The following MAPK10 variants were observed in gnomAD, a reference collection of about 807,000 sequenced individuals.
MAPK10 encodes JNK3 alpha protein kinase.
In MAPK10, 25 loss-of-function variants were observed where a neutral mutation model predicts 59.3. The observed-to-expected ratio is 0.42, with a 90% CI of 0.31 to 0.59. MAPK10 has a LOEUF of 0.59. Ranked by LOEUF, MAPK10 falls within the 20% of genes least tolerant of loss-of-function variation. The probability of loss-of-function intolerance (pLI) is 0.15; values close to 1 mark genes in which losing one functional copy is unlikely to be tolerated. For synonymous variants in MAPK10, 190 were observed against 200.5 expected, an observed-to-expected ratio of 0.95 and a Z score of 0.44; for missense variants, 351 against 568.9, an observed-to-expected ratio of 0.62 and a Z score of 3.90.
intron 1 of MAPK10, among the ~76,000 whole-genome samples, chr4:86,559,451 A>G (rs1042397378): frequency 7.2e-5 from 11 of 152,166 alleles, no homozygotes; most frequent in African/African-American, 2.7e-4. Flanking sequence ...ATTGTACTCA[A>G]TAATAATACC....
chr4:86,033,675 T>C (rs2039579304), intron 11 of MAPK10, among the ~76,000 whole-genome samples: 1 of 152,232 alleles, frequency 6.6e-6, no homozygotes, highest in Non-Finnish European at 1.5e-5. Context: ...ATTTTTCCTT[T>C]CAACAAACCA....
At chr4:86,481,440 A>C (rs906980915) in intron 1 of MAPK10, among the ~76,000 whole-genome samples, 1 of 152,130 alleles carries the variant, frequency 6.6e-6, no homozygotes, top group African/African-American at 2.4e-5. Flanking sequence ...AAAAAAAAAA[A>C]AAAAACCATT....
intron 1 of MAPK10, among the ~76,000 whole-genome samples, chr4:86,445,372 G>A (rs766711477): frequency 9.9e-5 from 15 of 152,096 alleles, no homozygotes; most frequent in Non-Finnish European, 2.1e-4. Flanking sequence ...TAAATAATGA[G>A]AACACATGGA....
Position 86,275,520 on chromosome 4 carries a change from A to G in MAPK10, c.-7+79010T>C, listed in dbSNP as rs201364251. On this transcript the variant is annotated intron_variant, in intron 2 of 13. Coordinates refer to ENST00000641462, the MANE Select transcript of MAPK10 (RefSeq NM_138982.4). ...GACAGCAAATATCAGAGAAAATTTC[A>G]CCAGCCTATGAAAAATGAGTGTAGT... is the stretch of plus-strand genomic sequence containing the variant. 2.0e-5 allele frequency among the ~76,000 whole-genome samples: 3 copies of G among 152,030 alleles called. No homozygotes were observed. In the South Asian group the frequency reaches 6.2e-4, roughly 31 times the overall value.
intron 2 of MAPK10, among the ~76,000 whole-genome samples, chr4:86,229,805 CG>C (rs1327751905): frequency 6.6e-6 from 1 of 151,904 alleles, no homozygotes; most frequent in Non-Finnish European, 1.5e-5. Context: ...CCTATAACCA[CG>C]GCACTTTGTG....
intron 5 of MAPK10, among the ~76,000 whole-genome samples, chr4:86,105,686 A>T (rs2056415536): frequency 6.6e-6 from 1 of 152,102 alleles, no homozygotes; most frequent in African/African-American, 2.4e-5. Flanking sequence ...TCTTGCACTT[A>T]CCTTTATTTA....
intron 1 of MAPK10, among the ~76,000 whole-genome samples, chr4:86,359,192 C>T (rs1735970308): frequency 6.6e-6 from 1 of 150,686 alleles, no homozygotes; most frequent in Non-Finnish European, 1.5e-5. Context: ...TTATGGAACC[C>T]ATCACATTTT....
chr4:86,206,926 A>T (rs1281997104), intron 2 of MAPK10, among the ~76,000 whole-genome samples: 1 of 151,976 alleles, frequency 6.6e-6, no homozygotes, highest in Non-Finnish European at 1.5e-5. Flanking sequence ...GTTGGAGTTC[A>T]TTGTAGATTC....
chr4:86,523,679 G>A (rs974791386), intron 1 of MAPK10, among the ~76,000 whole-genome samples: 2 of 152,124 alleles, frequency 1.3e-5, no homozygotes, highest in Non-Finnish European at 2.9e-5. Context: ...TCTTCACCCT[G>A]GATCAACCAC....
intron 9 of MAPK10, among the ~76,000 whole-genome samples, chr4:86,088,978 T>C (rs533602415): frequency 6.6e-6 from 1 of 152,194 alleles, no homozygotes. Flanking sequence ...GCAGACCTTT[T>C]GATATCAGGT....
chr4:86,567,423 T>C (rs112918314), intron 1 of MAPK10, among the ~76,000 whole-genome samples: 10,454 of 152,212 alleles, frequency 0.069, 479 homozygotes, highest in Non-Finnish European at 0.1. Flanking sequence ...TTTCACCATA[T>C]TGGTCAGGCT....
chr4:86,235,229 T>C (rs1035365680), intron 2 of MAPK10, among the ~76,000 whole-genome samples: 51 of 152,132 alleles, frequency 3.4e-4, no homozygotes, highest in African/African-American at 1.2e-3. Flanking sequence ...CTTTTATGAG[T>C]CCCACACATT....
chr4:86,168,859 G>T (rs2072959045), intron 3 of MAPK10, among the ~76,000 whole-genome samples: 1 of 152,082 alleles, frequency 6.6e-6, no homozygotes, highest in Admixed American at 6.6e-5. Context: ...ACTCCTCTGA[G>T]ACAAAACTTC....
intron 2 of MAPK10, among the ~76,000 whole-genome samples, chr4:86,273,663 A>C (rs2094495180): frequency 6.6e-6 from 1 of 151,928 alleles, no homozygotes; most frequent in African/African-American, 2.4e-5. Context: ...AGTAGGCACA[A>C]TTTTTGATTT....
chr4:86,342,834 T>C (rs1725789028), intron 2 of MAPK10, among the ~76,000 whole-genome samples: 1 of 152,104 alleles, frequency 6.6e-6, no homozygotes, highest in Non-Finnish European at 1.5e-5. Context: ...ATTCCCTCTC[T>C]CTCCTTCCTT....
intron 1 of MAPK10, among the ~76,000 whole-genome samples, chr4:86,473,089 A>G (rs1752786699): frequency 6.6e-6 from 1 of 152,146 alleles, no homozygotes; most frequent in South Asian, 2.1e-4. Flanking sequence ...AGAAAATATT[A>G]CCTGTTATTT....
rs747918822 is a variant in MAPK10 at position 86,017,755 on chromosome 4, G to A, written c.1253-385C>T. ...TTTATTTTTTTTGAGATGGAGTCTCGCTCTGTCGCCAGGCTGGAGTGCAGC... is the reference window on the plus strand; with the variant it reads ...TTTATTTTTTTTGAGATGGAGTCTCACTCTGTCGCCAGGCTGGAGTGCAGC... On this transcript the variant is annotated intron_variant, in intron 13 of 13. Coordinates refer to ENST00000641462, the MANE Select transcript of MAPK10 (RefSeq NM_138982.4). This position sits in a 1 kb window ranked among gnomAD's most constrained non-coding sequence, Gnocchi z 4.4. Among the ~76,000 whole-genome samples, 3 of 151,986 alleles carry A rather than the reference G, an allele frequency of 2.0e-5. No individual in the cohort carries two copies. Among genetic ancestry groups the A allele is most frequent in the Non-Finnish European group, 2.9e-5 (2 of 67,998 alleles).
intron 3 of MAPK10, among the ~76,000 whole-genome samples, chr4:86,165,205 T>C (rs543054369): frequency 6.6e-5 from 10 of 152,258 alleles, no homozygotes; most frequent in Admixed American, 5.9e-4. Flanking sequence ...GCACAGAAGA[T>C]ATTGAGCTAT....
At chr4:86,573,772 T>C (rs1230810577) in intron 1 of MAPK10, among the ~76,000 whole-genome samples, 2 of 152,214 alleles carry the variant, frequency 1.3e-5, no homozygotes, top group Non-Finnish European at 2.9e-5. Context: ...CAATGTTTTA[T>C]AGTTTTCAAT....
Sources: gnomAD v4.1 joint callset for allele counts (sites outside exome capture counted in the v4.1 genomes callset) on GRCh38, gnomAD v4.1.1 for gene constraint, Gnocchi (gnomAD v3.1) non-coding constraint, MANE v1.5 for transcripts, NCBI Gene and HGNC (gene_info 2026-07-23, HGNC 2026-07-21) for gene names.